Variants in PCDHA11 observed in about 807,000 individuals in gnomAD.
PCDHA11 encodes the protein protocadherin alpha 11.
Under a neutral mutation model 70.3 loss-of-function variants are expected in PCDHA11, and 61 were observed. The observed-to-expected ratio is 0.87, with a 90% CI of 0.71 to 1.07. The LOEUF (loss-of-function observed/expected upper bound fraction) is 1.07, where lower values mean the gene tolerates loss of function less well. Ranked by LOEUF, PCDHA11 falls within the 50% of genes least tolerant of loss-of-function variation. PCDHA11 has a pLI of 0.00. For missense variants in PCDHA11, 1,324 were observed against 1,237.5 expected, an observed-to-expected ratio of 1.07 and a Z score of -1.05; for synonymous variants, 633 against 555.1, an observed-to-expected ratio of 1.14 and a Z score of -1.97.
chr5:140,876,467 G>T, intron 1 of PCDHA11: 1 of 1,614,020 alleles, frequency 6.2e-7, no homozygotes, highest in Non-Finnish European at 8.5e-7. Flanking sequence ...TCCATGGCAG[G>T]TCACAGCATG....
At chr5:140,932,491 T>C (rs1041440008) in intron 1 of PCDHA11, among the ~76,000 whole-genome samples, 11 of 151,918 alleles carry the variant, frequency 7.2e-5, no homozygotes, top group Non-Finnish European at 1.6e-4. Flanking sequence ...CTCTTTGCAA[T>C]GTCATTTGTT....
Position 140,927,792 on chromosome 5 carries a change from T to C in PCDHA11, c.2392-51157T>C, listed in dbSNP as rs12522306. On this transcript the variant is annotated intron_variant, in intron 1 of 3. Coordinates refer to ENST00000398640, the MANE Select transcript of PCDHA11 (RefSeq NM_018902.5). The stretch of plus-strand genomic sequence containing the variant: ...AGGTGCAAGTAGCTGCTTCACTAGG[T>C]CCGCCTGAAACGCTCTTGGAGGCAT... 8,419 of 1,614,148 alleles carry C rather than the reference T, an allele frequency of 5.2e-3. 630 individuals carry two copies. The Admixed American group carries it at 0.13, about 25-fold the overall frequency.
At chr5:141,000,743 T>TAA (rs527867626) in intron 3 of PCDHA11, among the ~76,000 whole-genome samples, 3 of 145,408 alleles carry the variant, frequency 2.1e-5, no homozygotes, top group Admixed American at 6.9e-5. Context: ...CTCTGTATAT[T>TAA]AAAAAAAAAA....
chr5:140,870,469 C>T lies in PCDHA11; in HGVS notation c.1366C>T (p.Gln456Ter). ...DVNDNAPAFAQPEYTVFVKEN... is the reference protein window; with the variant it reads ...DVNDNAPAFA Reference sequence around the variant, plus strand: ...GAACGACAATGCGCCTGCGTTCGCACAGCCCGAGTACACCGTGTTCGTGAA... The same window carrying T: ...GAACGACAATGCGCCTGCGTTCGCATAGCCCGAGTACACCGTGTTCGTGAA... Residue 456 changes from glutamine (Q) to a stop codon, truncating the protein, a stop_gained, in exon 1 of 4, where the codon CAG becomes TAG. Coordinates refer to ENST00000398640, the MANE Select transcript of PCDHA11 (RefSeq NM_018902.5). LOFTEE classifies it high-confidence loss of function. 6.2e-7 allele frequency: 1 copy of T among 1,614,246 alleles called. No individual in the cohort carries two copies.
chr5:140,908,756 C>A (rs2074138062), intron 1 of PCDHA11, among the ~76,000 whole-genome samples: 1 of 152,106 alleles, frequency 6.6e-6, no homozygotes, highest in Non-Finnish European at 1.5e-5. Flanking sequence ...TTGCACACAG[C>A]CTGGACGTGT....
At chr5:141,008,434 A>G (rs1466409442) in intron 3 of PCDHA11, among the ~76,000 whole-genome samples, 2 of 152,196 alleles carry the variant, frequency 1.3e-5, no homozygotes, top group Admixed American at 6.5e-5. Context: ...CACTTTGCCC[A>G]GACAGACCAT....
chr5:140,905,437 C>T (rs190555934), intron 1 of PCDHA11, among the ~76,000 whole-genome samples: 1 of 152,130 alleles, frequency 6.6e-6, no homozygotes, highest in Non-Finnish European at 1.5e-5. Flanking sequence ...ATAACTACAG[C>T]CTTTTAGTAT....
intron 1 of PCDHA11, among the ~76,000 whole-genome samples, chr5:140,978,369 A>G (rs1015473344): frequency 6.6e-6 from 1 of 152,196 alleles, no homozygotes; most frequent in Non-Finnish European, 1.5e-5. Flanking sequence ...CAAACTCTGC[A>G]ATAGTTTGTT....
chr5:140,928,146 A>G, intron 1 of PCDHA11: 1 of 1,614,222 alleles, frequency 6.2e-7, no homozygotes, highest in African/African-American at 1.3e-5. Flanking sequence ...TCACGGCCTC[A>G]GATAGTGGCT....
chr5:140,944,276 A>C (rs2093633258), intron 1 of PCDHA11, among the ~76,000 whole-genome samples: 1 of 152,002 alleles, frequency 6.6e-6, no homozygotes, highest in Non-Finnish European at 1.5e-5. Flanking sequence ...CAGCCTTGAC[A>C]CCCCGGGCTC....
intron 3 of PCDHA11, among the ~76,000 whole-genome samples, chr5:141,000,804 G>A (rs2097964510): frequency 6.6e-6 from 1 of 151,886 alleles, no homozygotes; most frequent in African/African-American, 2.4e-5. Flanking sequence ...CTACTCAGAA[G>A]GCTGAGGTGG....
At chr5:140,882,180 AG>A (rs2058993159) in intron 1 of PCDHA11, 1 of 1,518,026 alleles carries the variant, frequency 6.6e-7, no homozygotes. Flanking sequence ...CTTCCGCACT[AG>A]GAAGCCATAA....
At chr5:140,907,229 A>C (rs1562959472) in intron 1 of PCDHA11, among the ~76,000 whole-genome samples, 1 of 152,180 alleles carries the variant, frequency 6.6e-6, no homozygotes, top group Non-Finnish European at 1.5e-5. Flanking sequence ...AAGTATTGTC[A>C]CCTAGTTGAC....
chr5:140,869,922 C>T lies in PCDHA11; in HGVS notation c.819C>T (p.Val273=). ...ACGCCACAGACCGAGACGAAGGAGT[C>T]AATGGAGAGGTAACATACTCCTTAA... ...KLNATDRDEG[V]NGEVTYSLMS... Residue 273 remains valine (V), a synonymous_variant, in exon 1 of 4, where the codon GTC becomes GTT. Coordinates refer to ENST00000398640, the MANE Select transcript of PCDHA11 (RefSeq NM_018902.5). The T allele has an allele frequency of 6.2e-7, 1 of 1,611,202 alleles. No homozygotes were observed. The highest frequency in any genetic ancestry group is 8.5e-7 in the Non-Finnish European group (1 of 1,178,612).
At chr5:140,969,221 C>A (rs1222433541) in intron 1 of PCDHA11, 1 of 1,614,040 alleles carries the variant, frequency 6.2e-7, no homozygotes, top group African/African-American at 1.3e-5. Context: ...AGGACCAGGG[C>A]CTTCGGGAGC....
chr5:140,995,788 T>C (rs1327222255), intron 3 of PCDHA11, among the ~76,000 whole-genome samples: 1 of 152,154 alleles, frequency 6.6e-6, no homozygotes, highest in Non-Finnish European at 1.5e-5. Context: ...GGTTTAAAAT[T>C]TGTCTCATGT....
rs142105240 is a variant in PCDHA11, at chr5:140,882,817, A to G, written c.2391+11323A>G. The G allele has an allele frequency of 5.3e-5, 86 of 1,614,242 alleles. 1 individual carries two copies. The African/African-American group carries it at 9.9e-4, about 19-fold the overall frequency. The stretch of plus-strand genomic sequence containing the variant: ...ACGATTATTTCACTTTGGACGCACA[A>G]AACAGTCTTGAGCAAATGTCTTCAT... On this transcript the variant is annotated intron_variant, in intron 1 of 3. Transcript: ENST00000398640.
intron 1 of PCDHA11, among the ~76,000 whole-genome samples, chr5:140,893,662 A>C (rs1462433571): frequency 6.6e-6 from 1 of 152,204 alleles, no homozygotes; most frequent in Non-Finnish European, 1.5e-5. Flanking sequence ...GTTTTAAAAA[A>C]TTTCAGCACT....
chr5:140,926,825 G>T (rs937740656), intron 1 of PCDHA11: 2 of 1,499,696 alleles, frequency 1.3e-6, no homozygotes, highest in Admixed American at 4.7e-5. Flanking sequence ...CTCTCCAGGA[G>T]TCCGGAGCAT....
Sources: allele counts gnomAD v4.1 joint callset (sites outside exome capture counted in the v4.1 genomes callset), GRCh38; gene constraint gnomAD v4.1.1; transcripts MANE v1.5; gene names NCBI Gene and HGNC (gene_info 2026-07-23, HGNC 2026-07-21).